Variants in RYR1 observed in about 807,000 individuals in gnomAD.
RYR1 encodes the protein central core disease of muscle.
A neutral mutation model predicts 583.5 loss-of-function variants in RYR1; 342 were observed. That is an observed-to-expected ratio of 0.59 (90% CI 0.54 to 0.64). The LOEUF (loss-of-function observed/expected upper bound fraction) is 0.64. Ranked by LOEUF, RYR1 falls within the 30% of genes least tolerant of loss-of-function variation. The pLI, the probability that RYR1 is intolerant of heterozygous loss-of-function variation, is 0.00. For missense variants in RYR1, 6,032 were observed against 6,917.2 expected (o/e 0.87, Z 4.54); for synonymous variants, 2,791 against 2,822.5 (o/e 0.99, Z 0.35).
Position 38,446,521 on chromosome 19 carries a change from T to C in RYR1, c.681T>C (p.Asp227=). The C allele has an allele frequency of 1.2e-6, 2 of 1,614,138 alleles. No individual in the cohort carries two copies. The highest frequency in any genetic ancestry group is 1.6e-4 in the Middle Eastern group (1 of 6,062). Residue 227 remains aspartate (D), a synonymous_variant, in exon 8 of 106, where the codon GAT becomes GAC. Transcript: ENST00000359596. The part of the protein sequence containing the change: ...HVLRLFHGHM[D]ECLTISPADS... ...TCCGCCTCTTTCATGGACATATGGA[T>C]GAGTGTCTGACCATTTCCCCTGCTG...
chr19:38,545,138 A>G (rs1193838487), intron 87 of RYR1, among the ~76,000 whole-genome samples: 5 of 152,104 alleles, frequency 3.3e-5, no homozygotes, highest in Non-Finnish European at 4.4e-5. Context: ...CCCTGAACCA[A>G]TCATCATAGG....
At chr19:38,463,383 G>T (rs1277682150) in intron 20 of RYR1, 40 bp from the exon 21 acceptor site, 1 of 1,567,120 alleles carries the variant, frequency 6.4e-7, no homozygotes, top group Non-Finnish European at 8.8e-7. Context: ...GAGGAGGGTA[G>T]AGGGACCTTG....
At position 38,528,583 on chromosome 19, in the gene RYR1, C is replaced by T. The variant is rs575684453; in HGVS notation, c.10938-16C>T. The T allele has an allele frequency of 4.8e-5, 78 of 1,613,826 alleles. No homozygotes were observed. The South Asian group carries it at 8.1e-4, about 17-fold the overall frequency. ...AGGAGGGCGCGTCCCAGTGACGTCA[C>T]ACCTCTCCCCTGCAGGCACCGGGCA... is the stretch of plus-strand genomic sequence containing the variant. On this transcript the variant is annotated splice_polypyrimidine_tract_variant and intron_variant, in intron 74 of 105. Transcript: ENST00000359596.
At chr19:38,443,850 G>C in intron 5 of RYR1, 54 bp downstream of exon 5, 1 of 1,526,100 alleles carries the variant, frequency 6.6e-7, no homozygotes, top group Non-Finnish European at 9.1e-7. Context: ...CAGGGATTCA[G>C]GGGGTAGAAG....
At position 38,502,796 on chromosome 19, in the gene RYR1, G is replaced by A. The variant is rs1423930741; in HGVS notation, c.7835+69G>A. 7.7e-4 allele frequency: 801 copies of A among 1,043,808 alleles called. 3 individuals carry two copies. Among genetic ancestry groups the A allele is most frequent in the East Asian group, 1.4e-3 (42 of 30,968 alleles). 64.7% of individuals were successfully genotyped at this position (1,043,808 alleles called of 1,614,324 possible). A position where few individuals can be genotyped will look rare whatever the true frequency, so the allele number is the denominator to read the frequency against. On this transcript the variant is annotated intron_variant, in intron 48 of 105. Coordinates refer to ENST00000359596, the MANE Select transcript of RYR1 (RefSeq NM_000540.3). ...GGGCAGGGGCAGGGGCAGGGGCAGGGGCAGGGGCAGGGGGAGGAGCAGGGG... is the reference window on the plus strand; with the variant it reads ...GGGCAGGGGCAGGGGCAGGGGCAGGAGCAGGGGCAGGGGGAGGAGCAGGGG...
intron 19 of RYR1, among the ~76,000 whole-genome samples, chr19:38,459,605 C>T (rs1172452032): frequency 1.3e-5 from 2 of 152,138 alleles, no homozygotes; most frequent in African/African-American, 4.8e-5. Context: ...GGTCTCTCAA[C>T]AACCCAAGGT....
At chr19:38,454,221 G>T (rs536559664) in intron 13 of RYR1, among the ~76,000 whole-genome samples, 131 of 152,234 alleles carry the variant, frequency 8.6e-4, no homozygotes, top group African/African-American at 3.1e-3. Context: ...TGTATTTTTA[G>T]TAGAGATGGG....
At chr19:38,567,646 C>T (rs2145854869) in intron 92 of RYR1, 127 bp from the exon 93 acceptor site, 1 of 1,345,774 alleles carries the variant, frequency 7.4e-7, no homozygotes, top group African/African-American at 1.4e-5. Flanking sequence ...CTCATCATCC[C>T]ATGTACCCAG....
rs1177640045 is a variant in RYR1, at chr19:38,577,935, G to A, written c.14190G>A (p.Gly4730=). The A allele has an allele frequency of 1.2e-6, 2 of 1,614,106 alleles. No homozygotes were observed. Among genetic ancestry groups the A allele is most frequent in the Non-Finnish European group, 1.7e-6 (2 of 1,180,030 alleles). Residue 4730 remains glycine (G), a synonymous_variant, in exon 98 of 106, where the codon GGG becomes GGA. Coordinates refer to ENST00000359596, the MANE Select transcript of RYR1 (RefSeq NM_000540.3). The part of the protein sequence containing the change: ...FVKRKVLDKH[G]DIYGRERIAE... The stretch of plus-strand genomic sequence containing the variant: ...TTGTGCAGGTCCTGGACAAACATGG[G>A]GACATCTACGGGCGGGAGCGGATTG...
intron 18 of RYR1, among the ~76,000 whole-genome samples, chr19:38,458,878 C>T (rs1568452559): frequency 6.6e-6 from 1 of 152,154 alleles, no homozygotes; most frequent in Non-Finnish European, 1.5e-5. Context: ...CTTGGCCTTC[C>T]AAAGTGCTGG....
rs1306334870 is a variant in RYR1 at position 38,483,627 on chromosome 19, C to T, written c.4934+111C>T. 1 of 914,432 alleles carries T rather than the reference C, an allele frequency of 1.1e-6. No individual in the cohort carries two copies. The highest frequency in any genetic ancestry group is 2.6e-5 in the East Asian group (1 of 37,968). The allele number at this position is 914,432 out of a possible 1,614,324, so 56.6% of individuals were successfully genotyped here. A position where few individuals can be genotyped will look rare whatever the true frequency, so the allele number is the denominator to read the frequency against. On this transcript the variant is annotated intron_variant, in intron 33 of 105. Transcript: ENST00000359596. The surrounding 1 kb of genome is among the most constrained non-coding windows in gnomAD (Gnocchi z 6.3). ...CAACCCCGGGATTCCAGACTACACC[C>T]CAGGAATCTCCAGACCTACCTCAGG...
chr19:38,497,153 G>A (rs78198817), intron 42 of RYR1, among the ~76,000 whole-genome samples, 199 bp downstream of exon 42: 4,519 of 152,074 alleles, frequency 0.03, 127 homozygotes, highest in South Asian at 0.13. Context: ...GCTGTGGGCC[G>A]GTCCGCACTC....
chr19:38,577,356 A>G (rs1311237166), intron 97 of RYR1, among the ~76,000 whole-genome samples: 1 of 152,206 alleles, frequency 6.6e-6, no homozygotes, highest in Non-Finnish European at 1.5e-5. Flanking sequence ...TCGTTCACTC[A>G]TATTTACGGA....
intron 20 of RYR1, among the ~76,000 whole-genome samples, chr19:38,462,524 C>T (rs958610107): frequency 8.5e-5 from 13 of 152,116 alleles, no homozygotes; most frequent in Admixed American, 3.9e-4. Flanking sequence ...CCCCATGTCC[C>T]GCCCAAGTCC....
At position 38,464,601 on chromosome 19, in the gene RYR1, AG is replaced by A. The variant is rs1451483809; in HGVS notation, c.2787-34del. ...GGAGGAGACGGGGCAGGGAGCTCTGAGGGGCGTGACCTGTCGCCTCCACTCC... is the reference window on the plus strand; with the variant it reads ...GGAGGAGACGGGGCAGGGAGCTCTGAGGGCGTGACCTGTCGCCTCCACTCC... On this transcript the variant is annotated intron_variant, in intron 22 of 105. Coordinates refer to ENST00000359596, the MANE Select transcript of RYR1 (RefSeq NM_000540.3). The A allele has an allele frequency of 2.0e-6, 3 of 1,530,556 alleles. No homozygotes were observed. In the Admixed American group the frequency reaches 5.9e-5, roughly 30 times the overall value. The allele number at this position is 1,530,556 out of a possible 1,614,324, so 94.8% of individuals were successfully genotyped here.
chr19:38,528,501 G>C (rs1273415302), intron 74 of RYR1, 83 bp downstream of exon 74: 1 of 1,589,932 alleles, frequency 6.3e-7, no homozygotes, highest in Non-Finnish European at 8.6e-7. Context: ...GGGCCAACGT[G>C]ATGGGGCCTT....
intron 7 of RYR1, among the ~76,000 whole-genome samples, chr19:38,446,066 C>G (rs1267062161): frequency 1.3e-5 from 2 of 152,222 alleles, no homozygotes; most frequent in African/African-American, 2.4e-5. Flanking sequence ...TCAGACCCAA[C>G]CATCACCCTT....
rs146206507 is a variant in RYR1, at chr19:38,475,393, C to G, written c.4236C>G (p.His1412Gln). The G allele has an allele frequency of 2.5e-5, 41 of 1,613,922 alleles. No individual in the cohort carries two copies. Among genetic ancestry groups the G allele is most frequent in the Admixed American group, 6.7e-5 (4 of 59,984 alleles). The change falls in exon 29 of 106, where the codon CAC becomes CAG. Residue 1412 changes from histidine to glutamine, a missense_variant. His to Gln is a conservative substitution (Grantham distance 24). Transcript: ENST00000359596. ...CCCCCACGCTGCCCCGACTCCCTCA[C>G]GACGTGGTGCCTGCAGACAACCGCG... is the stretch of plus-strand genomic sequence containing the variant. ...PATPTLPRLP[H>Q]DVVPADNRDD...
intron 96 of RYR1, among the ~76,000 whole-genome samples, chr19:38,575,498 T>G (rs1973915374): frequency 6.6e-6 from 1 of 150,992 alleles, no homozygotes. Context: ...ACCCTGTCTC[T>G]ACTAAAAATA....
Sources: gnomAD v4.1 joint callset for allele counts (sites outside exome capture counted in the v4.1 genomes callset) on GRCh38, gnomAD v4.1.1 for gene constraint, Gnocchi (gnomAD v3.1) non-coding constraint, MANE v1.5 for transcripts, NCBI Gene and HGNC (gene_info 2026-07-23, HGNC 2026-07-21) for gene names.